Variants in SIPA1L3 observed in about 807,000 individuals in gnomAD.
SIPA1L3 encodes the protein signal-induced proliferation-associated 1-like protein 3.
SIPA1L3 carries 59 observed loss-of-function variants against 150.1 expected under a neutral mutation model. The ratio of observed to expected loss-of-function variants is 0.39; its 90% CI spans 0.32 to 0.49. The LOEUF is 0.49. Among genes scored for constraint, SIPA1L3 ranks in the 20% least tolerant of loss-of-function variants. The pLI, the probability that SIPA1L3 is intolerant of heterozygous loss-of-function variation, is 0.86. For missense variants in SIPA1L3, 2,211 were observed against 2,489.5 expected, an observed-to-expected ratio of 0.89 and a Z score of 2.38; for synonymous variants, 1,070 against 1,077.6, an observed-to-expected ratio of 0.99 and a Z score of 0.14.
At chr19:38,190,749 A>G (rs1038143698) in intron 16 of SIPA1L3, among the ~76,000 whole-genome samples, 2 of 152,252 alleles carry the variant, frequency 1.3e-5, no homozygotes, top group Admixed American at 1.3e-4. Context: ...CTTCAGAAGA[A>G]TATCAGTTGA....
intron 1 of SIPA1L3, among the ~76,000 whole-genome samples, chr19:37,929,127 G>A (rs2046530829): frequency 6.6e-6 from 1 of 152,214 alleles, no homozygotes; most frequent in African/African-American, 2.4e-5. Flanking sequence ...CCAGCATGGT[G>A]ATATGTGACC....
intron 12 of SIPA1L3, among the ~76,000 whole-genome samples, chr19:38,151,609 G>A (rs1052730285): frequency 6.6e-6 from 1 of 152,146 alleles, no homozygotes; most frequent in African/African-American, 2.4e-5. Context: ...ACAACCGGCT[G>A]TGATCCAAGG....
chr19:38,173,951 G>T (rs1972384735), intron 15 of SIPA1L3, among the ~76,000 whole-genome samples: 1 of 146,478 alleles, frequency 6.8e-6, no homozygotes. Flanking sequence ...GGAGCTGGGG[G>T]CAGAGAAGAG....
At chr19:37,982,777 G>A (rs1296383168) in intron 1 of SIPA1L3, among the ~76,000 whole-genome samples, 1 of 152,216 alleles carries the variant, frequency 6.6e-6, no homozygotes, top group Non-Finnish European at 1.5e-5. Context: ...GAATGTGGCT[G>A]TGGAGGGAGA....
At chr19:38,171,855 GATCA>G (rs1179901597) in intron 15 of SIPA1L3, among the ~76,000 whole-genome samples, 1 of 152,036 alleles carries the variant, frequency 6.6e-6, no homozygotes, top group East Asian at 1.9e-4. Context: ...ACACCCTGTT[GATCA>G]ATCAATCACT....
At chr19:37,922,635 A>G (rs1380595889) in intron 1 of SIPA1L3, among the ~76,000 whole-genome samples, 1 of 150,014 alleles carries the variant, frequency 6.7e-6, no homozygotes, top group Admixed American at 6.6e-5. Context: ...CCTCTTGATC[A>G]GCCTGCCTCG....
chr19:37,914,777 T>C (rs2046402959), intron 1 of SIPA1L3, among the ~76,000 whole-genome samples: 1 of 152,168 alleles, frequency 6.6e-6, no homozygotes, highest in Admixed American at 6.5e-5. Context: ...AGTGCTAAGA[T>C]TACAGGCACG....
chr19:38,001,840 T>A (rs1384680505), intron 1 of SIPA1L3, among the ~76,000 whole-genome samples: 1 of 152,248 alleles, frequency 6.6e-6, no homozygotes, highest in Non-Finnish European at 1.5e-5. Flanking sequence ...AAATTTTTTT[T>A]ATATTTTATA....
intron 1 of SIPA1L3, among the ~76,000 whole-genome samples, chr19:37,996,355 A>T (rs961228016): frequency 4.6e-5 from 7 of 152,198 alleles, no homozygotes; most frequent in African/African-American, 1.4e-4. Context: ...CCTCCCGAGT[A>T]TCTGGATTTA....
chr19:37,917,484 C>T (rs142065343), intron 1 of SIPA1L3, among the ~76,000 whole-genome samples: 3 of 152,258 alleles, frequency 2.0e-5, no homozygotes, highest in East Asian at 1.9e-4. Flanking sequence ...TGCCTGTGTT[C>T]GGAGGTGCCA....
intron 4 of SIPA1L3, among the ~76,000 whole-genome samples, chr19:38,094,719 G>T (rs1364286843): frequency 1.3e-5 from 2 of 151,986 alleles, no homozygotes; most frequent in Non-Finnish European, 2.9e-5. Context: ...GATTGCTTGA[G>T]CCCAGGAATT....
chr19:38,068,543 C>T (rs1969647788), intron 2 of SIPA1L3, among the ~76,000 whole-genome samples: 1 of 152,082 alleles, frequency 6.6e-6, no homozygotes, highest in African/African-American at 2.4e-5. Context: ...ACCTTTGCCT[C>T]ATCTGTAAGA....
chr19:38,084,575 AAGTACTAGCAGCT>A (rs1970081469), intron 3 of SIPA1L3, among the ~76,000 whole-genome samples: 3 of 145,928 alleles, frequency 2.1e-5, no homozygotes, highest in Middle Eastern at 3.5e-3. Context: ...AAAAAAGACG[AAGTACTAGCAGCT>A]AGTACCCCAC....
intron 1 of SIPA1L3, among the ~76,000 whole-genome samples, chr19:37,910,492 G>T (rs1260182382): frequency 6.7e-6 from 1 of 148,160 alleles, no homozygotes; most frequent in East Asian, 2.0e-4. Flanking sequence ...TTGCAGCATT[G>T]CACTCCAGCC....
intron 2 of SIPA1L3, among the ~76,000 whole-genome samples, chr19:38,065,411 C>CTTTT (rs10718226): frequency 1.6e-5 from 2 of 122,404 alleles, no homozygotes; most frequent in African/African-American, 3.0e-5. Flanking sequence ...CACATGCTGA[C>CTTTT]TTTTTTTTTT....
At chr19:38,097,260 G>T (rs751518059) in intron 4 of SIPA1L3, among the ~76,000 whole-genome samples, 13 of 152,110 alleles carry the variant, frequency 8.5e-5, no homozygotes, top group Non-Finnish European at 1.9e-4. Context: ...TGAGGCAGGG[G>T]ATCTCTTGCG....
intron 2 of SIPA1L3, among the ~76,000 whole-genome samples, chr19:38,043,168 C>G (rs1968965000): frequency 6.6e-6 from 1 of 152,056 alleles, no homozygotes; most frequent in Admixed American, 6.6e-5. Flanking sequence ...GGTGAAACCC[C>G]ATCTCTACTA....
At position 37,924,913 on chromosome 19, in the gene SIPA1L3, G is replaced by A. The variant is rs369528601; in HGVS notation, c.-379+17555G>A. On this transcript the variant is annotated intron_variant, in intron 1 of 21. Coordinates refer to ENST00000222345, the MANE Select transcript of SIPA1L3 (RefSeq NM_015073.3). ...AAAATACAAAAATTAGCTGGGCGAC[G>A]TGGCGTGCACCTGTAATCTGAGCTA... Among the ~76,000 whole-genome samples, 14 of 151,434 alleles carry A rather than the reference G, an allele frequency of 9.2e-5. No individual in the cohort carries two copies. The East Asian group carries it at 9.8e-4, about 11-fold the overall frequency.
chr19:38,116,232 G>T (rs941562187), intron 8 of SIPA1L3, among the ~76,000 whole-genome samples: 1 of 152,028 alleles, frequency 6.6e-6, no homozygotes, highest in Non-Finnish European at 1.5e-5. Context: ...TAAAGAGACC[G>T]GGTGCAGTGG....
Sources: gnomAD v4.1 joint callset for allele counts (sites outside exome capture counted in the v4.1 genomes callset) on GRCh38, gnomAD v4.1.1 for gene constraint, MANE v1.5 for transcripts, NCBI Gene and HGNC (gene_info 2026-07-23, HGNC 2026-07-21) for gene names.